SPAG9: variants seen among roughly 807,000 people sequenced by gnomAD.
SPAG9 encodes sperm associated antigen 9.
Under a neutral mutation model 166.5 loss-of-function variants are expected in SPAG9, and 35 were observed. That is an observed-to-expected ratio of 0.21 (90% CI 0.16 to 0.28). The LOEUF (loss-of-function observed/expected upper bound fraction) is 0.28, where lower values mean the gene tolerates loss of function less well. Ranked by LOEUF, SPAG9 falls within the 10% of genes least tolerant of loss-of-function variation. SPAG9 has a pLI of 1.00. For missense variants in SPAG9, 1,235 were observed against 1,603.3 expected, an observed-to-expected ratio of 0.77 and a Z score of 3.92; for synonymous variants, 534 against 565.5, an observed-to-expected ratio of 0.94 and a Z score of 0.79.
chr17:51,009,721 A>G (rs919707375), intron 9 of SPAG9, among the ~76,000 whole-genome samples: 2 of 152,176 alleles, frequency 1.3e-5, no homozygotes, highest in African/African-American at 4.8e-5. Context: ...TTAAGGGAAA[A>G]CACTACAAAA....
At chr17:51,030,655 T>TC (rs796332534) in intron 6 of SPAG9, among the ~76,000 whole-genome samples, 11 of 152,258 alleles carry the variant, frequency 7.2e-5, no homozygotes, top group African/African-American at 2.6e-4. Context: ...CTAAAAACCT[T>TC]AACTCTAGAT....
chr17:51,037,868 A>G (rs1446674681), intron 5 of SPAG9, among the ~76,000 whole-genome samples: 1 of 151,550 alleles, frequency 6.6e-6, no homozygotes, highest in Non-Finnish European at 1.5e-5. Flanking sequence ...TCCAGCCTAT[A>G]GCACTTTTAT....
intron 2 of SPAG9, among the ~76,000 whole-genome samples, chr17:51,073,493 T>A (rs2047883042): frequency 6.6e-6 from 1 of 151,348 alleles, no homozygotes; most frequent in South Asian, 2.1e-4. Context: ...CTCAAAAAAA[T>A]TAAGAAATAA....
At chr17:51,022,665 T>C (rs962667214) in intron 6 of SPAG9, among the ~76,000 whole-genome samples, 4 of 148,806 alleles carry the variant, frequency 2.7e-5, no homozygotes, top group Non-Finnish European at 4.5e-5. Flanking sequence ...ATAATAACAA[T>C]AGGCCGGGTG....
chr17:51,005,936 A>G, intron 11 of SPAG9, 149 bp downstream of exon 11: 1 of 724,258 alleles, frequency 1.4e-6, no homozygotes, highest in Non-Finnish European at 2.4e-6. Context: ...AGCAGAGGCA[A>G]TGGGCTGGGG....
At chr17:51,079,519 G>A (rs1273783403) in intron 2 of SPAG9, 65 bp downstream of exon 2, 9 of 1,538,908 alleles carry the variant, frequency 5.8e-6, no homozygotes, top group Middle Eastern at 1.7e-4. Flanking sequence ...GATTACAGGC[G>A]TGAGCCACCA....
intron 13 of SPAG9, 76 bp downstream of exon 13, chr17:51,001,639 C>T: frequency 7.0e-7 from 1 of 1,437,112 alleles, no homozygotes; most frequent in Non-Finnish European, 9.4e-7. Context: ...CAGGGCAGGA[C>T]TTAAGTTCCA....
chr17:51,076,778 A>T (rs560661826), intron 2 of SPAG9, among the ~76,000 whole-genome samples: 1 of 151,920 alleles, frequency 6.6e-6, no homozygotes, highest in East Asian at 1.9e-4. Flanking sequence ...TACCCTGCAG[A>T]TATCAACAAG....
chr17:50,965,289 C>T lies in SPAG9; in HGVS notation c.*983G>A, dbSNP rs1381700909. The T allele has an allele frequency of 2.6e-5, 4 of 152,100 alleles. No homozygotes were observed. Among genetic ancestry groups the T allele is most frequent in the Non-Finnish European group, 5.9e-5 (4 of 68,028 alleles). The allele number at this position is 152,100 out of a possible 1,614,324, so 9.4% of individuals were successfully genotyped here. The stretch of plus-strand genomic sequence containing the variant: ...AAGAAAATAACTTTTCTAATTAAAT[C>T]CCTCATTCTGTACTTAGGCCAGACT... On this transcript the variant is annotated 3_prime_UTR_variant, in exon 30 of 30. Transcript: ENST00000262013.
At chr17:51,082,776 A>T (rs913285705) in intron 1 of SPAG9, among the ~76,000 whole-genome samples, 4 of 152,208 alleles carry the variant, frequency 2.6e-5, no homozygotes, top group Non-Finnish European at 4.4e-5. Flanking sequence ...AACTGTCCTC[A>T]AACTTTTCAA....
At chr17:51,057,967 T>C (rs919711141) in intron 2 of SPAG9, among the ~76,000 whole-genome samples, 10 of 152,240 alleles carry the variant, frequency 6.6e-5, no homozygotes, top group Non-Finnish European at 4.4e-5. Flanking sequence ...TATGGATATT[T>C]AATAATTTCA....
chr17:51,025,485 T>A (rs1357158855), intron 6 of SPAG9, among the ~76,000 whole-genome samples: 1 of 148,372 alleles, frequency 6.7e-6, no homozygotes, highest in Non-Finnish European at 1.5e-5. Context: ...AAAAAAAAAC[T>A]GACAGTATTT....
At chr17:51,101,772 C>G (rs939586781) in intron 1 of SPAG9, among the ~76,000 whole-genome samples, 1 of 151,954 alleles carries the variant, frequency 6.6e-6, no homozygotes, top group East Asian at 1.9e-4. Context: ...TATAGGCACC[C>G]GCCACCATGC....
At chr17:51,011,385 C>CTT (rs148325625) in intron 9 of SPAG9, among the ~76,000 whole-genome samples, 7 of 139,352 alleles carry the variant, frequency 5.0e-5, no homozygotes, top group South Asian at 2.3e-4. Context: ...AAGCCAAGGA[C>CTT]TTTTTTTTTT....
chr17:51,036,553 C>T (rs2046591591), intron 5 of SPAG9, among the ~76,000 whole-genome samples: 1 of 152,090 alleles, frequency 6.6e-6, no homozygotes, highest in Admixed American at 6.5e-5. Flanking sequence ...CCCCCTCTCC[C>T]CCTACCACAC....
At chr17:51,070,868 T>C (rs905132683) in intron 2 of SPAG9, among the ~76,000 whole-genome samples, 1 of 152,096 alleles carries the variant, frequency 6.6e-6, no homozygotes, top group African/African-American at 2.4e-5. Flanking sequence ...AAAACAAAAA[T>C]TGTTAATAGA....
At chr17:51,119,913 C>G (rs1338109163) in intron 1 of SPAG9, among the ~76,000 whole-genome samples, 2 of 152,168 alleles carry the variant, frequency 1.3e-5, no homozygotes, top group African/African-American at 2.4e-5. Flanking sequence ...GCAAGGCAAC[C>G]CCCTGGAAAG....
rs1018018906 is a variant in SPAG9 at position 50,989,777 on chromosome 17, T to A, written c.2713A>T (p.Thr905Ser). The A allele has an allele frequency of 1.9e-5, 31 of 1,614,064 alleles. No individual in the cohort carries two copies. The highest frequency in any genetic ancestry group is 2.6e-5 in the Non-Finnish European group (31 of 1,179,974). The change falls in exon 21 of 30, where the codon ACA becomes TCA. Residue 905 changes from threonine (T) to serine (S), a missense_variant. By Grantham distance (58) the Thr-to-Ser change is moderately conservative (BLOSUM62 1). Transcript: ENST00000262013. Reference sequence around the variant, plus strand: ...ACGCCAGTTTGGGAGATGTCCACTGTGTCTTCAGCTGACCCCGCATTCCCT... The same window carrying A: ...ACGCCAGTTTGGGAGATGTCCACTGAGTCTTCAGCTGACCCCGCATTCCCT... ...TEGNAGSAEDTVDISQTGVYT... is the reference protein window; with the variant it reads ...TEGNAGSAEDSVDISQTGVYT...
intron 2 of SPAG9, among the ~76,000 whole-genome samples, chr17:51,077,041 T>TCTAGCTAG (rs1219566936): frequency 1.7e-4 from 17 of 98,502 alleles, no homozygotes; most frequent in Non-Finnish European, 3.4e-4. Flanking sequence ...TATCTAGCTA[T>TCTAGCTAG]CTAGCTATCT....
Sources: allele counts gnomAD v4.1 joint callset (sites outside exome capture counted in the v4.1 genomes callset), GRCh38; gene constraint gnomAD v4.1.1; transcripts MANE v1.5; gene names NCBI Gene and HGNC (gene_info 2026-07-23, HGNC 2026-07-21).